The following LCORL variants were observed in gnomAD, a reference collection of about 807,000 sequenced individuals.
LCORL encodes the protein ligand-dependent nuclear receptor corepressor-like protein.
LCORL carries 41 observed loss-of-function variants against 141.8 expected under a neutral mutation model. That is an observed-to-expected ratio of 0.29 (90% CI 0.23 to 0.38). The LOEUF is 0.38. LCORL is among the 10% of genes least tolerant of loss of function. The pLI, the probability that LCORL is intolerant of heterozygous loss-of-function variation, is 1.00. For missense variants in LCORL, 1,759 were observed against 2,035.0 expected, an observed-to-expected ratio of 0.86 and a Z score of 2.61; for synonymous variants, 618 against 694.1, an observed-to-expected ratio of 0.89 and a Z score of 1.72.
chr4:17,846,010 C>T, intron 7 of LCORL, 109 bp from the exon 8 acceptor site: 1 of 832,116 alleles, frequency 1.2e-6, no homozygotes. Context: ...TAAATTTTAG[C>T]ATACATAAAG....
At chr4:17,852,222 T>A (rs1723812861) in intron 7 of LCORL, among the ~76,000 whole-genome samples, 1 of 152,196 alleles carries the variant, frequency 6.6e-6, no homozygotes, top group Non-Finnish European at 1.5e-5. Context: ...TGACTTTATA[T>A]ATCTATATCC....
At chr4:17,905,287 A>G (rs769224165) in intron 5 of LCORL, among the ~76,000 whole-genome samples, 2 of 152,122 alleles carry the variant, frequency 1.3e-5, no homozygotes, top group Admixed American at 6.5e-5. Flanking sequence ...TATCATAAAT[A>G]TATCAGCTTT....
chr4:17,849,076 C>G (rs556198653), intron 7 of LCORL, among the ~76,000 whole-genome samples: 1 of 152,380 alleles, frequency 6.6e-6, no homozygotes, highest in African/African-American at 2.4e-5. Context: ...GCCTGCCTGC[C>G]TCTGCAGGCT....
At chr4:17,902,995 A>G (rs990844898) in intron 5 of LCORL, among the ~76,000 whole-genome samples, 4 of 152,222 alleles carry the variant, frequency 2.6e-5, no homozygotes, top group South Asian at 2.1e-4. Flanking sequence ...GGCATTTTAA[A>G]AAGTATTAAA....
intron 4 of LCORL, among the ~76,000 whole-genome samples, chr4:17,922,773 T>C (rs76953163): frequency 0.019 from 2,943 of 152,228 alleles, 27 homozygotes; most frequent in Middle Eastern, 0.024. Context: ...AATGGGGACT[T>C]GTGGGAGAAA....
At chr4:17,893,339 AAT>A in intron 5 of LCORL, 5 of 930,716 alleles carry the variant, frequency 5.4e-6, no homozygotes, top group Non-Finnish European at 6.4e-6. Flanking sequence ...CAAGACACAC[AAT>A]ATGTGATCCT....
At chr4:17,967,118 C>G (rs1715041498) in intron 2 of LCORL, among the ~76,000 whole-genome samples, 1 of 151,856 alleles carries the variant, frequency 6.6e-6, no homozygotes, top group African/African-American at 2.4e-5. Flanking sequence ...AATAGAGGAC[C>G]CTTAAATGCA....
chr4:17,872,258 C>G (rs1726436642), intron 7 of LCORL, among the ~76,000 whole-genome samples: 1 of 152,008 alleles, frequency 6.6e-6, no homozygotes, highest in South Asian at 2.1e-4. Context: ...ATAAGAAGAG[C>G]TGGAAATGGC....
intron 1 of LCORL, among the ~76,000 whole-genome samples, chr4:18,016,102 A>G (rs930264870): frequency 5.3e-5 from 8 of 152,098 alleles, no homozygotes; most frequent in Admixed American, 1.3e-4. Flanking sequence ...ACTGTTCATC[A>G]GGATTCCTAC....
At chr4:18,018,412 T>C (rs540047443) in intron 1 of LCORL, among the ~76,000 whole-genome samples, 45 of 152,214 alleles carry the variant, frequency 3.0e-4, no homozygotes, top group African/African-American at 1.1e-3. Flanking sequence ...ACAATGTAAG[T>C]AGAGATATTA....
chr4:17,917,762 G>C (rs986341439), intron 4 of LCORL, among the ~76,000 whole-genome samples: 4 of 152,144 alleles, frequency 2.6e-5, no homozygotes, highest in Non-Finnish European at 5.9e-5. Flanking sequence ...GAGGCGGAAT[G>C]CAACTTCATT....
chr4:17,869,872 C>CAGAT (rs1726129413), intron 7 of LCORL, among the ~76,000 whole-genome samples: 1 of 152,160 alleles, frequency 6.6e-6, no homozygotes, highest in Admixed American at 6.5e-5. Flanking sequence ...ATCCTCTACC[C>CAGAT]AGATGTTCAA....
chr4:17,984,304 C>T (rs1474681817), intron 1 of LCORL, among the ~76,000 whole-genome samples: 1 of 152,070 alleles, frequency 6.6e-6, no homozygotes, highest in African/African-American at 2.4e-5. Context: ...GGGAGGAGAT[C>T]CTCTTCCTAT....
intron 1 of LCORL, among the ~76,000 whole-genome samples, chr4:17,991,247 ATTC>A (rs1182809916): frequency 1.3e-5 from 2 of 152,118 alleles, no homozygotes; most frequent in Non-Finnish European, 2.9e-5. Context: ...CTGCTCATTC[ATTC>A]TTCTTTGCTT....
intron 5 of LCORL, among the ~76,000 whole-genome samples, chr4:17,900,277 AC>A (rs1462584643): frequency 6.6e-6 from 1 of 152,092 alleles, no homozygotes; most frequent in African/African-American, 2.4e-5. Context: ...CTATAATCTC[AC>A]CTTATTAAAA....
chr4:18,018,417 A>T (rs991243428), intron 1 of LCORL, among the ~76,000 whole-genome samples: 1 of 152,198 alleles, frequency 6.6e-6, no homozygotes, highest in Admixed American at 6.5e-5. Flanking sequence ...GTAAGTAGAG[A>T]TATTAATTGG....
chr4:17,955,638 A>G (rs900304812), intron 4 of LCORL, among the ~76,000 whole-genome samples: 1 of 152,100 alleles, frequency 6.6e-6, no homozygotes, highest in African/African-American at 2.4e-5. Flanking sequence ...ATAACTTCCT[A>G]TAAGAGAGGA....
chr4:17,991,060 TTA>T (rs1441644124), intron 1 of LCORL, among the ~76,000 whole-genome samples: 1 of 152,182 alleles, frequency 6.6e-6, no homozygotes, highest in Non-Finnish European at 1.5e-5. Flanking sequence ...ATATAACATT[TTA>T]TAGAAGAGCC....
At chr4:17,956,115 A>G (rs1712575294) in intron 4 of LCORL, among the ~76,000 whole-genome samples, 1 of 152,136 alleles carries the variant, frequency 6.6e-6, no homozygotes, top group Non-Finnish European at 1.5e-5. Flanking sequence ...GTGAGACATC[A>G]TTTTACCCCA....
Sources: allele counts gnomAD v4.1 joint callset (sites outside exome capture counted in the v4.1 genomes callset), GRCh38; gene constraint gnomAD v4.1.1; transcripts MANE v1.5; gene names NCBI Gene and HGNC (gene_info 2026-07-23, HGNC 2026-07-21).